The following CLYBL variants were observed in gnomAD, a reference collection of about 807,000 sequenced individuals.
The protein encoded by CLYBL is citramalyl-CoA lyase, mitochondrial.
In CLYBL, 31 loss-of-function variants were observed where a neutral mutation model predicts 38.9. The ratio of observed to expected loss-of-function variants is 0.80; its 90% confidence interval spans 0.60 to 1.08. The LOEUF is 1.08. CLYBL is among the 50% of genes least tolerant of loss of function. The probability of loss-of-function intolerance (pLI) is 0.00; values close to 1 mark genes in which losing one functional copy is unlikely to be tolerated. For synonymous variants in CLYBL, 171 were observed against 158.6 expected, an observed-to-expected ratio of 1.08 and a Z score of -0.59; for missense variants, 434 against 411.6, an observed-to-expected ratio of 1.05 and a Z score of -0.47.
intron 6 of CLYBL, among the ~76,000 whole-genome samples, chr13:99,870,179 A>G (rs1370629090): frequency 1.3e-5 from 2 of 152,166 alleles, no homozygotes; most frequent in Non-Finnish European, 2.9e-5. Context: ...TCTTGATTCT[A>G]TAAGCCAAAA....
chr13:99,798,230 C>A (rs182309743), intron 2 of CLYBL, among the ~76,000 whole-genome samples: 32 of 152,244 alleles, frequency 2.1e-4, no homozygotes, highest in African/African-American at 7.7e-4. Context: ...CCAGAAGGCC[C>A]TTTAATGTCA....
At chr13:99,719,293 C>T (rs929013441) in intron 1 of CLYBL, among the ~76,000 whole-genome samples, 4 of 151,792 alleles carry the variant, frequency 2.6e-5, no homozygotes, top group Non-Finnish European at 5.9e-5. Flanking sequence ...TACAGGCAGG[C>T]ACCACCAAGC....
intron 1 of CLYBL, among the ~76,000 whole-genome samples, chr13:99,658,180 T>G (rs2047356269): frequency 6.6e-6 from 1 of 152,220 alleles, no homozygotes; most frequent in Non-Finnish European, 1.5e-5. Context: ...CCCGGTTTCA[T>G]AAGGGGCCGC....
intron 1 of CLYBL, among the ~76,000 whole-genome samples, chr13:99,697,272 C>T (rs1184769172): frequency 6.6e-6 from 1 of 152,166 alleles, no homozygotes. Context: ...TGCAAGGATC[C>T]GCCCATAGTT....
chr13:99,751,918 A>G (rs977658392), intron 1 of CLYBL, among the ~76,000 whole-genome samples: 1 of 152,234 alleles, frequency 6.6e-6, no homozygotes, highest in Non-Finnish European at 1.5e-5. Context: ...GGAAACAACG[A>G]TCTTAAAATG....
chr13:99,672,577 C>T (rs1187647837), intron 1 of CLYBL, among the ~76,000 whole-genome samples: 1 of 151,196 alleles, frequency 6.6e-6, no homozygotes, highest in African/African-American at 2.4e-5. Flanking sequence ...AGTTTGAGAC[C>T]AGCCTGGGCA....
At chr13:99,724,008 G>A (rs1162675751) in intron 1 of CLYBL, among the ~76,000 whole-genome samples, 1 of 152,090 alleles carries the variant, frequency 6.6e-6, no homozygotes, top group Non-Finnish European at 1.5e-5. Flanking sequence ...CCTTTTTGCT[G>A]CAATGAGTTG....
chr13:99,757,180 G>A (rs183466047), intron 1 of CLYBL, among the ~76,000 whole-genome samples: 4 of 152,274 alleles, frequency 2.6e-5, no homozygotes, highest in East Asian at 1.9e-4. Context: ...CATTACAGGC[G>A]TGAGCCACCA....
intron 1 of CLYBL, among the ~76,000 whole-genome samples, chr13:99,711,705 T>TTTTTTTA (rs1057488265): frequency 2.0e-5 from 3 of 148,220 alleles, no homozygotes; most frequent in South Asian, 2.1e-4. Flanking sequence ...CGCACGCAGC[T>TTTTTTTA]TTTTTTATTT....
intron 1 of CLYBL, among the ~76,000 whole-genome samples, chr13:99,662,085 G>A (rs1018101841): frequency 6.6e-6 from 1 of 152,164 alleles, no homozygotes; most frequent in African/African-American, 2.4e-5. Context: ...ATTGGAAGAA[G>A]GACTTTGTTG....
At chr13:99,845,580 C>T (rs1007819634) in intron 2 of CLYBL, among the ~76,000 whole-genome samples, 1 of 152,194 alleles carries the variant, frequency 6.6e-6, no homozygotes, top group Non-Finnish European at 1.5e-5. Context: ...GTTTTATTAG[C>T]ATTTGCTCGA....
At chr13:99,816,985 CAAAGA>C (rs1196952412) in intron 2 of CLYBL, among the ~76,000 whole-genome samples, 10 of 152,132 alleles carry the variant, frequency 6.6e-5, no homozygotes, top group Non-Finnish European at 1.2e-4. Flanking sequence ...TAATGCCTGA[CAAAGA>C]TGCGAATGAC....
chr13:99,867,484 G>A (rs981374938), intron 6 of CLYBL, among the ~76,000 whole-genome samples: 1 of 151,826 alleles, frequency 6.6e-6, no homozygotes, highest in Non-Finnish European at 1.5e-5. Context: ...TACACAAAGA[G>A]CTAAAATAAA....
At position 99,773,012 on chromosome 13, in the gene CLYBL, T is replaced by C. The variant is rs1594173074; in HGVS notation, c.249+2T>C. 6.2e-7 allele frequency: 1 copy of C among 1,607,032 alleles called. No homozygotes were observed. On this transcript the variant is annotated splice_donor_variant, in intron 2 of 8. Coordinates refer to ENST00000339105, the MANE Select transcript of CLYBL (RefSeq NM_206808.5). LOFTEE classifies it high-confidence loss of function. ...GATGGAGTGGCTGCAAACAAAAAGG[T>C]AATGGCATGATTTTAGTATGAGAAA...
At chr13:99,760,065 C>T (rs1450583849) in intron 1 of CLYBL, among the ~76,000 whole-genome samples, 1 of 152,176 alleles carries the variant, frequency 6.6e-6, no homozygotes, top group African/African-American at 2.4e-5. Flanking sequence ...ACAGTTTAGT[C>T]TTGGAATTTG....
At chr13:99,625,094 A>G (rs1320558039) in intron 1 of CLYBL, among the ~76,000 whole-genome samples, 1 of 152,176 alleles carries the variant, frequency 6.6e-6, no homozygotes, top group African/African-American at 2.4e-5. Flanking sequence ...TGCCTTCTCC[A>G]TCGGAGCTGG....
At chr13:99,905,376 C>T (rs1356176405) in exon 9 of CLYBL, among the ~76,000 whole-genome samples, 1 of 152,228 alleles carries the variant, frequency 6.6e-6, no homozygotes, top group Non-Finnish European at 1.5e-5. Flanking sequence ...CTCCAGCACA[C>T]ATTTACTGAG....
intron 2 of CLYBL, among the ~76,000 whole-genome samples, chr13:99,777,161 C>T (rs2049535035): frequency 6.6e-6 from 1 of 151,484 alleles, no homozygotes; most frequent in African/African-American, 2.4e-5. Context: ...TTACAGGCCA[C>T]CGCACCCAGC....
At position 99,661,507 on chromosome 13, in the gene CLYBL, AT is replaced by A. The variant is rs1176059783; in HGVS notation, c.62+54757del. ...AATGTCTTTTTAAACCTGTATATTT[AT>A]TTTTTTATCCCTTTTTGCATATGCA... On this transcript the variant is annotated intron_variant, in intron 1 of 8. Transcript: ENST00000339105. Among the ~76,000 whole-genome samples the A allele has an allele frequency of 4.6e-5, 7 of 152,212 alleles. 1 individual carries two copies. In the South Asian group the frequency reaches 1.2e-3, roughly 27 times the overall value.
Sources: gnomAD v4.1 joint callset for allele counts (sites outside exome capture counted in the v4.1 genomes callset) on GRCh38, gnomAD v4.1.1 for gene constraint, MANE v1.5 for transcripts, NCBI Gene and HGNC (gene_info 2026-07-23, HGNC 2026-07-21) for gene names.